TTC23: variants seen among roughly 807,000 people sequenced by gnomAD.
TTC23 encodes tetratricopeptide repeat domain 23.
In TTC23, 58 loss-of-function variants were observed where a neutral mutation model predicts 55.1. The ratio of observed to expected loss-of-function variants is 1.05; its 90% confidence interval spans 0.85 to 1.31. The LOEUF is 1.31. Among genes scored for constraint, TTC23 ranks in the 50% most tolerant of loss-of-function variants. The pLI is 0.00. For missense variants in TTC23, 516 were observed against 534.4 expected, an observed-to-expected ratio of 0.97 and a Z score of 0.34; for synonymous variants, 203 against 199.9, an observed-to-expected ratio of 1.02 and a Z score of -0.13.
chr15:99,228,327 A>T, intron 5 of TTC23: 1 of 418,588 alleles, frequency 2.4e-6, no homozygotes. Flanking sequence ...GAGCTCAACA[A>T]ATATTTGTTG....
chr15:99,189,903 G>GGC (rs2075077438), intron 9 of TTC23, among the ~76,000 whole-genome samples: 1 of 152,150 alleles, frequency 6.6e-6, no homozygotes, highest in Non-Finnish European at 1.5e-5. Context: ...AAAGCCAGGA[G>GGC]TAGTGATTCA....
chr15:99,192,394 A>T (rs2075320095), intron 9 of TTC23, among the ~76,000 whole-genome samples: 1 of 152,180 alleles, frequency 6.6e-6, no homozygotes, highest in South Asian at 2.1e-4. Context: ...CAGGGTCCCC[A>T]TGCTGTGTGC....
intron 10 of TTC23, among the ~76,000 whole-genome samples, chr15:99,165,041 C>T (rs913225368): frequency 6.6e-6 from 1 of 152,146 alleles, no homozygotes; most frequent in African/African-American, 2.4e-5. Flanking sequence ...CAGATTAATG[C>T]ATATGAATAA....
intron 12 of TTC23, among the ~76,000 whole-genome samples, chr15:99,145,993 TGC>T (rs2068814635): frequency 6.6e-6 from 1 of 152,164 alleles, no homozygotes; most frequent in Non-Finnish European, 1.5e-5. Context: ...ATGTCATCCT[TGC>T]TGTCTCCCTC....
At chr15:99,161,290 T>A (rs1230701272) in intron 11 of TTC23, 1 of 154,068 alleles carries the variant, frequency 6.5e-6, no homozygotes, top group Non-Finnish European at 1.4e-5. Context: ...AAGGTCTGGG[T>A]CTTGCTCTAT....
intron 6 of TTC23, among the ~76,000 whole-genome samples, chr15:99,219,504 T>A (rs2077737944): frequency 6.6e-6 from 1 of 152,172 alleles, no homozygotes; most frequent in Non-Finnish European, 1.5e-5. Context: ...CAGAGAGTTA[T>A]TTTTTTAACA....
chr15:99,193,162 A>T (rs916025260), intron 9 of TTC23, among the ~76,000 whole-genome samples: 124 of 152,274 alleles, frequency 8.1e-4, no homozygotes, highest in African/African-American at 2.9e-3. Flanking sequence ...CTCTGATAAG[A>T]CTTTGGACCG....
At chr15:99,226,823 C>T (rs2078476711) in intron 5 of TTC23, among the ~76,000 whole-genome samples, 1 of 152,148 alleles carries the variant, frequency 6.6e-6, no homozygotes, top group South Asian at 2.1e-4. Context: ...AAGACGGAGC[C>T]ACTCTATGTC....
Position 99,161,771 on chromosome 15 carries a change from C to T in TTC23, c.962G>A (p.Cys321Tyr). The T allele has an allele frequency of 6.2e-7, 1 of 1,613,290 alleles. No individual in the cohort carries two copies. The highest frequency in any genetic ancestry group is 8.5e-7 in the Non-Finnish European group (1 of 1,179,834). The part of the protein sequence containing the change: ...TKFLSIQDEF[C>Y]HFLQMTGQKE... ...TTGTCCAGTCATTTGTAGAAAATGGCAAAATTCATCTTGAATTGAAAGAAA... is the reference window on the plus strand; with the variant it reads ...TTGTCCAGTCATTTGTAGAAAATGGTAAAATTCATCTTGAATTGAAAGAAA... The change falls in exon 11 of 14, where the codon TGC becomes TAC. Residue 321 changes from cysteine to tyrosine, a missense_variant. By Grantham distance (194) the Cys-to-Tyr change is radical. Transcript: ENST00000394132.
At chr15:99,228,350 A>C (rs2078637936) in intron 5 of TTC23, 183 bp downstream of exon 5, 1 of 459,834 alleles carries the variant, frequency 2.2e-6, no homozygotes. Context: ...GGCCATGCGA[A>C]CTGCTGTGCT....
chr15:99,170,759 C>A (rs1253933915), intron 10 of TTC23, among the ~76,000 whole-genome samples: 3 of 152,218 alleles, frequency 2.0e-5, no homozygotes, highest in Admixed American at 2.0e-4. Flanking sequence ...GAGGGGACAG[C>A]AGAGAGGTGA....
chr15:99,191,775 G>A (rs1055527569), intron 9 of TTC23, among the ~76,000 whole-genome samples: 2 of 152,212 alleles, frequency 1.3e-5, no homozygotes, highest in Non-Finnish European at 2.9e-5. Flanking sequence ...ACCCAAAAAT[G>A]TGGAAGTGAC....
At chr15:99,171,090 C>T (rs868459919) in intron 10 of TTC23, among the ~76,000 whole-genome samples, 14 of 152,212 alleles carry the variant, frequency 9.2e-5, no homozygotes, top group African/African-American at 3.1e-4. Context: ...GCACCTGTTC[C>T]AGGACTTCAC....
chr15:99,233,823 G>A (rs2079107368), intron 4 of TTC23, among the ~76,000 whole-genome samples: 1 of 152,110 alleles, frequency 6.6e-6, no homozygotes, highest in Non-Finnish European at 1.5e-5. Flanking sequence ...AGTTTGTACT[G>A]CTGTTAAGTA....
At position 99,207,575 on chromosome 15, in the gene TTC23, G is replaced by A. The variant is rs190696046; in HGVS notation, c.582-7479C>T. Among the ~76,000 whole-genome samples, 643 of 152,214 alleles carry A rather than the reference G, an allele frequency of 4.2e-3. 7 individuals carry two copies. Among genetic ancestry groups the A allele is most frequent in the African/African-American group, 0.015 (612 of 41,522 alleles). On this transcript the variant is annotated intron_variant, in intron 8 of 13. Coordinates refer to ENST00000394132, the MANE Select transcript of TTC23 (RefSeq NM_001288615.3). ...AGGAGTTCAAGACCAGCCTGGCCAC[G>A]GTGAAACCCCGTCTCTACTAAAAAT...
chr15:99,196,009 G>A (rs1479372353), intron 9 of TTC23, among the ~76,000 whole-genome samples: 2 of 151,692 alleles, frequency 1.3e-5, no homozygotes, highest in African/African-American at 2.4e-5. Context: ...CAAAATAGCC[G>A]GGCATGGTGG....
chr15:99,200,267 G>A (rs1197441961), intron 8 of TTC23, among the ~76,000 whole-genome samples, 171 bp from the exon 9 acceptor site: 2 of 152,108 alleles, frequency 1.3e-5, no homozygotes, highest in African/African-American at 2.4e-5. Flanking sequence ...TTAAGAAGAT[G>A]GGTTCTGGAA....
Position 99,174,946 on chromosome 15 carries a change from C to T in TTC23, c.865+104G>A, listed in dbSNP as rs1369368418. The T allele has an allele frequency of 6.0e-6, 5 of 831,428 alleles. No homozygotes were observed. In the Admixed American group the frequency reaches 7.4e-5, roughly 12 times the overall value. The allele number at this position is 831,428 out of a possible 1,614,324, so 51.5% of individuals were successfully genotyped here. On this transcript the variant is annotated intron_variant, in intron 10 of 13. Coordinates refer to ENST00000394132, the MANE Select transcript of TTC23 (RefSeq NM_001288615.3). ...AGATAAAACAAGGAAGGCTCTGTGG[C>T]GGGCCTGTGTCGCGGCTCTGTCCAC...
In TTC23 at chr15:99,156,165, G is replaced by A. The variant is rs751877078; in HGVS notation, c.1126C>T (p.Arg376Cys). The change falls in exon 12 of 14, where the codon CGC becomes TGC. Residue 376 changes from arginine (R) to cysteine (C), a missense_variant. By Grantham distance (180) the Arg-to-Cys change is radical. Transcript: ENST00000394132. ...AGCTTTACCTTCTTCAGTTTCTTGC[G>A]GGCCCCACTGTGGTTCCCCTGCGCC... ...DLAQGNHSGA[R>C]KKLKKCLQIQ... 1.1e-5 allele frequency: 18 copies of A among 1,614,030 alleles called. No individual in the cohort carries two copies. The highest frequency in any genetic ancestry group is 3.3e-4 in the Middle Eastern group (2 of 6,084).
Sources: allele counts gnomAD v4.1 joint callset (sites outside exome capture counted in the v4.1 genomes callset), GRCh38; gene constraint gnomAD v4.1.1; transcripts MANE v1.5; gene names NCBI Gene and HGNC (gene_info 2026-07-23, HGNC 2026-07-21).